The following SLC26A5 variants were observed in gnomAD, a reference collection of about 807,000 sequenced individuals.
SLC26A5 encodes the protein solute carrier family 26 member 5, also known as prestin.
A neutral mutation model predicts 81.0 loss-of-function variants in SLC26A5; 51 were observed. The observed-to-expected ratio is 0.63, with a 90% CI of 0.50 to 0.80. SLC26A5 has a LOEUF of 0.80. Ranked by LOEUF, SLC26A5 falls within the 30% of genes least tolerant of loss-of-function variation. SLC26A5 has a pLI of 0.00. For synonymous variants in SLC26A5, 325 were observed against 332.8 expected (o/e 0.98, Z 0.25); for missense variants, 771 against 905.8 (o/e 0.85, Z 1.91).
intron 15 of SLC26A5, 74 bp downstream of exon 15, chr7:103,380,406 C>A: frequency 7.9e-7 from 1 of 1,269,202 alleles, no homozygotes; most frequent in Non-Finnish European, 1.2e-6. Flanking sequence ...TACTTTTTAT[C>A]CTGGGTAAAA....
At position 103,397,981 on chromosome 7, in the gene SLC26A5, T is replaced by C. The variant is rs973149089; in HGVS notation, c.922A>G (p.Asn308Asp). Reference protein sequence around the residue: ...VMGTGISAGFNLKESYNVDVV... With the variant: ...VMGTGISAGFDLKESYNVDVV... The stretch of plus-strand genomic sequence containing the variant: ...TCCACATTGTATGATTCTTTCAAGT[T>C]AAACCCAGCTGAAATGCCAGTTCCC... Residue 308 changes from asparagine (N) to aspartate (D), a missense_variant, in exon 9 of 20, where the codon AAC (asparagine) becomes GAC (aspartate). By Grantham distance (23) the Asn-to-Asp change is conservative. Transcript: ENST00000306312. The C allele has an allele frequency of 4.3e-6, 7 of 1,613,978 alleles. No individual in the cohort carries two copies. Among genetic ancestry groups the C allele is most frequent in the Non-Finnish European group, 5.9e-6 (7 of 1,180,004 alleles).
intron 19 of SLC26A5, chr7:103,355,637 CTTA>C (rs1159079222): frequency 7.6e-7 from 1 of 1,317,394 alleles, no homozygotes; most frequent in Non-Finnish European, 1.1e-6. Context: ...GTTTAGAAAG[CTTA>C]TTATAGGGTG....
intron 2 of SLC26A5, among the ~76,000 whole-genome samples, chr7:103,431,053 A>G (rs1367230083): frequency 4.6e-5 from 7 of 152,220 alleles, no homozygotes; most frequent in Non-Finnish European, 1.0e-4. Context: ...CGCTCATAAG[A>G]TATGCCTTTA....
At chr7:103,404,843 C>T (rs1823900667) in intron 8 of SLC26A5, among the ~76,000 whole-genome samples, 1 of 152,156 alleles carries the variant, frequency 6.6e-6, no homozygotes, top group African/African-American at 2.4e-5. Context: ...TTGGTCTTTT[C>T]ACACAGTCCC....
chr7:103,423,582 A>T (rs1825514151), intron 2 of SLC26A5, among the ~76,000 whole-genome samples: 1 of 152,110 alleles, frequency 6.6e-6, no homozygotes. Flanking sequence ...TTATAAAAAG[A>T]CTTAGCACAG....
intron 4 of SLC26A5, among the ~76,000 whole-genome samples, chr7:103,414,463 C>T (rs764804307): frequency 6.6e-6 from 1 of 152,178 alleles, no homozygotes; most frequent in Non-Finnish European, 1.5e-5. Flanking sequence ...AGGCATAAGT[C>T]ACTGTGCCTG....
At chr7:103,392,050 T>C (rs986304494) in intron 10 of SLC26A5, among the ~76,000 whole-genome samples, 2 of 152,238 alleles carry the variant, frequency 1.3e-5, no homozygotes, top group Admixed American at 1.3e-4. Flanking sequence ...CTATTTTTAC[T>C]GCTGAAGAGA....
intron 19 of SLC26A5, chr7:103,364,301 C>T (rs755737635): frequency 5.0e-6 from 8 of 1,613,518 alleles, no homozygotes; most frequent in African/African-American, 4.0e-5. Flanking sequence ...AGAAATACGT[C>T]GGTGAGGTAA....
In SLC26A5 at chr7:103,410,693, C is replaced by T. The variant is rs866842591; in HGVS notation, c.571-144G>A. 9.2e-6 allele frequency: 7 copies of T among 760,652 alleles called. No homozygotes were observed. In the African/African-American group the frequency reaches 1.2e-4, roughly 13 times the overall value. The allele number at this position is 760,652 out of a possible 1,614,324, so 47.1% of individuals were successfully genotyped here. On this transcript the variant is annotated intron_variant, in intron 6 of 19. Coordinates refer to ENST00000306312, the MANE Select transcript of SLC26A5 (RefSeq NM_198999.3). ...TTGCTCTGTCACCCAGGCAGTGGCA[C>T]AGTCTCAGCTCACTGCAACCTCTGC...
chr7:103,417,138 G>A (rs535972813), intron 4 of SLC26A5, among the ~76,000 whole-genome samples: 5 of 151,928 alleles, frequency 3.3e-5, no homozygotes, highest in South Asian at 2.1e-4. Flanking sequence ...TTGGGAGGCC[G>A]AGGCGGGTGG....
chr7:103,415,677 T>C (rs575673705), intron 4 of SLC26A5, among the ~76,000 whole-genome samples: 1 of 152,246 alleles, frequency 6.6e-6, no homozygotes, highest in African/African-American at 2.4e-5. Flanking sequence ...TAATTTTCCA[T>C]TGTGTTTACC....
chr7:103,390,530 A>AT lies in SLC26A5; in HGVS notation c.1234-25_1234-24insA, dbSNP rs963371045. ...AGCTGAATGAGAGAAGACACATGGA[A>AT]GGGGCTTTTAGGAGACTTGAATAAG... is the stretch of plus-strand genomic sequence containing the variant. On this transcript the variant is annotated intron_variant, in intron 11 of 19. Transcript: ENST00000306312. 3.1e-6 allele frequency: 5 copies of AT among 1,594,280 alleles called. No homozygotes were observed. In the African/African-American group the frequency reaches 6.7e-5, roughly 21 times the overall value.
chr7:103,422,947 A>G (rs1445465466), intron 2 of SLC26A5, among the ~76,000 whole-genome samples: 1 of 151,908 alleles, frequency 6.6e-6, no homozygotes, highest in Non-Finnish European at 1.5e-5. Flanking sequence ...TCAGGTTTTC[A>G]TCAAAATGAA....
chr7:103,419,757 C>T (rs562367205), intron 4 of SLC26A5, among the ~76,000 whole-genome samples: 5 of 152,148 alleles, frequency 3.3e-5, no homozygotes, highest in South Asian at 2.1e-4. Flanking sequence ...AGGCTGATCT[C>T]GAACTCCTGA....
intron 8 of SLC26A5, among the ~76,000 whole-genome samples, chr7:103,407,152 C>A (rs1443210222): frequency 3.9e-5 from 6 of 152,116 alleles, no homozygotes; most frequent in Admixed American, 3.9e-4. Flanking sequence ...CATATCTTTG[C>A]AAAGCTGGGT....
At chr7:103,368,311 T>C (rs1820829926) in intron 19 of SLC26A5, 1 of 323,064 alleles carries the variant, frequency 3.1e-6, no homozygotes, top group South Asian at 7.4e-5. Context: ...ATGGCTTCTA[T>C]CCTAGGCATA....
At chr7:103,403,347 T>C (rs1332542961) in intron 8 of SLC26A5, among the ~76,000 whole-genome samples, 2 of 152,200 alleles carry the variant, frequency 1.3e-5, no homozygotes, top group African/African-American at 2.4e-5. Flanking sequence ...GAATATTCTG[T>C]TGATTTGGGG....
Position 103,421,388 on chromosome 7 carries a change from CA to C in SLC26A5, c.126del (p.Ile42MetfsTer5). The part of the protein sequence containing the change: ...LHTKDKVPDS[I>X]ADKLKQAFTC... ...GTGAATGCCTGTTTCAGCTTATCCG[CA>C]ATGGAATCAGGAACCTTGTCCTTTG... is the stretch of plus-strand genomic sequence containing the variant. On this transcript the variant is annotated frameshift_variant, in exon 3 of 20. Coordinates refer to ENST00000306312, the MANE Select transcript of SLC26A5 (RefSeq NM_198999.3). LOFTEE classifies it high-confidence loss of function. 6.2e-7 allele frequency: 1 copy of C among 1,614,088 alleles called. No homozygotes were observed. Among genetic ancestry groups the C allele is most frequent in the Non-Finnish European group, 8.5e-7 (1 of 1,179,970 alleles).
intron 16 of SLC26A5, 144 bp from the exon 17 acceptor site, chr7:103,378,697 C>A: frequency 2.7e-6 from 2 of 751,554 alleles, no homozygotes; most frequent in South Asian, 1.4e-5. Flanking sequence ...CCCTCAGAGG[C>A]CCTGAACTGG....
Sources: gnomAD v4.1 joint callset for allele counts (sites outside exome capture counted in the v4.1 genomes callset) on GRCh38, gnomAD v4.1.1 for gene constraint, MANE v1.5 for transcripts, NCBI Gene and HGNC (gene_info 2026-07-23, HGNC 2026-07-21) for gene names.